Variants in TJP2 observed in about 807,000 individuals in gnomAD.
TJP2 encodes Friedreich ataxia region gene X104 (tight junction protein ZO-2).
A neutral mutation model predicts 133.1 loss-of-function variants in TJP2; 91 were observed. The ratio of observed to expected loss-of-function variants is 0.68; its 90% CI spans 0.58 to 0.81. The LOEUF is 0.81. TJP2 is among the 40% of genes least tolerant of loss of function. The pLI is 0.00. For missense variants in TJP2, 1,541 were observed against 1,565.6 expected, an observed-to-expected ratio of 0.98 and a Z score of 0.26; for synonymous variants, 592 against 583.4, an observed-to-expected ratio of 1.01 and a Z score of -0.21.
chr9:69,151,332 T>G (rs1443048503), intron 1 of TJP2, among the ~76,000 whole-genome samples: 1 of 152,040 alleles, frequency 6.6e-6, no homozygotes, highest in African/African-American at 2.4e-5. Context: ...AAATACAAAA[T>G]TAGCCGGGCG....
Position 69,174,342 on chromosome 9 carries a change from G to A in TJP2, c.-31G>A. 1 of 1,551,258 alleles carries A rather than the reference G, an allele frequency of 6.4e-7. No homozygotes were observed. The highest frequency in any genetic ancestry group is 8.7e-7 in the Non-Finnish European group (1 of 1,146,886). The stretch of plus-strand genomic sequence containing the variant: ...AGCAGAAGCAGAAGCGGGGTCCGGA[G>A]CTGCGCGCCTACGCGGGACCTGTGT... On this transcript the variant is annotated 5_prime_UTR_variant, in exon 1 of 23. Coordinates refer to ENST00000377245, the MANE Select transcript of TJP2 (RefSeq NM_004817.4).
At chr9:69,239,520 G>C (rs78327360) in intron 16 of TJP2, among the ~76,000 whole-genome samples, 1,574 of 152,272 alleles carry the variant, frequency 0.01, 26 homozygotes, top group African/African-American at 0.036. Context: ...TCTGCTTCTT[G>C]ATTTAAATTT....
chr9:69,209,294 G>A (rs185718917), intron 1 of TJP2, among the ~76,000 whole-genome samples: 8 of 152,092 alleles, frequency 5.3e-5, no homozygotes, highest in Admixed American at 1.3e-4. Flanking sequence ...CACCACGCCC[G>A]GCTAATTTTT....
chr9:69,198,766 G>A (rs368744516), intron 1 of TJP2, among the ~76,000 whole-genome samples: 1 of 152,220 alleles, frequency 6.6e-6, no homozygotes, highest in East Asian at 1.9e-4. Flanking sequence ...GAAATCACAT[G>A]TGAAACTGAA....
chr9:69,215,252 C>T (rs1250301761), intron 2 of TJP2, among the ~76,000 whole-genome samples: 1 of 152,088 alleles, frequency 6.6e-6, no homozygotes, highest in Non-Finnish European at 1.5e-5. Context: ...TCATTAGAAG[C>T]CCAAACCTCA....
At chr9:69,160,239 T>C (rs1191214232) in intron 2 of TJP2, among the ~76,000 whole-genome samples, 6 of 152,122 alleles carry the variant, frequency 3.9e-5, no homozygotes, top group Admixed American at 2.6e-4. Flanking sequence ...CATGTCTCAG[T>C]GACAGAGCTC....
chr9:69,187,743 T>A (rs1192540846), intron 1 of TJP2, among the ~76,000 whole-genome samples: 1 of 152,178 alleles, frequency 6.6e-6, no homozygotes. Flanking sequence ...GTGTTGATTG[T>A]GAGCTCTTGA....
upstream of TJP2, chr9:69,174,275 T>G (rs1587967368): frequency 1.9e-6 from 3 of 1,544,730 alleles, no homozygotes; most frequent in Non-Finnish European, 2.6e-6. Flanking sequence ...GGGCTGCGGG[T>G]CAGAGCACTG....
chr9:69,130,175 T>G (rs1011736616), intron 1 of TJP2, among the ~76,000 whole-genome samples: 2 of 152,348 alleles, frequency 1.3e-5, no homozygotes, highest in East Asian at 3.9e-4. Flanking sequence ...TTCTTCATTC[T>G]CTACAGTCAC....
intron 1 of TJP2, among the ~76,000 whole-genome samples, chr9:69,132,570 AG>A (rs1447874157): frequency 6.6e-6 from 1 of 152,190 alleles, no homozygotes; most frequent in Non-Finnish European, 1.5e-5. Flanking sequence ...CGGATAGAGA[AG>A]GGTGGAAAAG....
At chr9:69,224,141 G>C (rs1297067164) in intron 5 of TJP2, among the ~76,000 whole-genome samples, 1 of 152,128 alleles carries the variant, frequency 6.6e-6, no homozygotes, top group Non-Finnish European at 1.5e-5. Context: ...GTTTTTGATA[G>C]CAATTCAGAG....
intron 11 of TJP2, among the ~76,000 whole-genome samples, chr9:69,231,459 G>T (rs1471218983): frequency 6.6e-6 from 1 of 150,392 alleles, no homozygotes; most frequent in South Asian, 2.1e-4. Context: ...TATATATGAG[G>T]TTTTTTTTTT....
intron 1 of TJP2, among the ~76,000 whole-genome samples, chr9:69,203,796 T>G (rs571107397): frequency 8.4e-4 from 128 of 151,620 alleles, no homozygotes; most frequent in Non-Finnish European, 1.3e-3. Flanking sequence ...CTATTTTTAG[T>G]AGAGATGGGG....
In TJP2 at chr9:69,221,087, TGAGCGGGCCCGGAGCCGG is replaced by T. The variant is rs1363774684; in HGVS notation, c.551_568del (p.Ala184_Arg189del). On this transcript the variant is annotated inframe_deletion, in exon 5 of 23. Transcript: ENST00000377245. ...ACAGCCCGGAAAGGGGGCGTCCCCATGAGCGGGCCCGGAGCCGGGAGCGGGACCTCAGCCGGGACCGGA... is the reference window on the plus strand; with the variant it reads ...ACAGCCCGGAAAGGGGGCGTCCCCATGAGCGGGACCTCAGCCGGGACCGGA... The T allele has an allele frequency of 1.8e-5, 29 of 1,588,282 alleles. No individual in the cohort carries two copies. Among genetic ancestry groups the T allele is most frequent in the Non-Finnish European group, 2.5e-5 (29 of 1,167,944 alleles).
chr9:69,145,721 T>C, intron 1 of TJP2: 1 of 1,231,850 alleles, frequency 8.1e-7, no homozygotes, highest in Non-Finnish European at 1.0e-6. Flanking sequence ...ACAAGAAATA[T>C]ATCGGTATTC....
At chr9:69,197,032 A>G (rs1826630417) in intron 1 of TJP2, among the ~76,000 whole-genome samples, 1 of 151,440 alleles carries the variant, frequency 6.6e-6, no homozygotes. Context: ...GCAGTGGCAC[A>G]ATCTGGGTTC....
rs548574016 is a variant in TJP2 at position 69,163,846 on chromosome 9, T to C, written c.-10+12075T>C. Among the ~76,000 whole-genome samples, 132 of 152,276 alleles carry C rather than the reference T, an allele frequency of 8.7e-4. 2 individuals carry two copies. The highest frequency in any genetic ancestry group is 3.1e-3 in the African/African-American group (127 of 41,574). The stretch of plus-strand genomic sequence containing the variant: ...TCAAAATTGTAATCTTTCTGTCTTG[T>C]GTCAGAGAATTGTAATGATGTCCCT... On this transcript the variant is annotated intron_variant, in intron 2 of 5. Coordinates refer to the TJP2 transcript ENST00000423935.
intron 1 of TJP2, among the ~76,000 whole-genome samples, chr9:69,179,939 T>G (rs530799393): frequency 6.6e-6 from 1 of 152,328 alleles, no homozygotes; most frequent in African/African-American, 2.4e-5. Flanking sequence ...GTTCACTAAA[T>G]TTTACCTATA....
intron 1 of TJP2, among the ~76,000 whole-genome samples, chr9:69,186,386 G>A (rs1253404588): frequency 6.6e-6 from 1 of 152,220 alleles, no homozygotes; most frequent in Non-Finnish European, 1.5e-5. Context: ...ATTCGAAATG[G>A]AAAGATAAGT....
Sources: gnomAD v4.1 joint callset for allele counts (sites outside exome capture counted in the v4.1 genomes callset) on GRCh38, gnomAD v4.1.1 for gene constraint, MANE v1.5 for transcripts, NCBI Gene and HGNC (gene_info 2026-07-23, HGNC 2026-07-21) for gene names.